Variants in DAPP1 observed in about 807,000 individuals in gnomAD.
DAPP1 encodes the protein dual adapter for phosphotyrosine and 3-phosphotyrosine and 3-phosphoinositide.
A neutral mutation model predicts 41.5 loss-of-function variants in DAPP1; 20 were observed. The observed-to-expected ratio is 0.48, with a 90% CI of 0.34 to 0.70. DAPP1 has a LOEUF of 0.70. Among genes scored for constraint, DAPP1 ranks in the 30% least tolerant of loss-of-function variants. The probability of loss-of-function intolerance (pLI) is 0.01; values close to 1 mark genes in which losing one functional copy is unlikely to be tolerated. For missense variants in DAPP1, 233 were observed against 333.4 expected (o/e 0.70, Z 2.35); for synonymous variants, 113 against 116.2 (o/e 0.97, Z 0.18).
At chr4:99,839,380 TAG>T (rs1723418231) in intron 2 of DAPP1, among the ~76,000 whole-genome samples, 1 of 148,222 alleles carries the variant, frequency 6.7e-6, no homozygotes, top group African/African-American at 2.5e-5. Flanking sequence ...TAGATATCTA[TAG>T]ATATATATAG....
intron 3 of DAPP1, among the ~76,000 whole-genome samples, chr4:99,842,664 A>G (rs60584294): frequency 0.053 from 8,112 of 152,280 alleles, 419 homozygotes; most frequent in East Asian, 0.24. Flanking sequence ...GAAATTCCTC[A>G]AGGTTACGGA....
chr4:99,853,886 C>A (rs532632928), intron 4 of DAPP1, among the ~76,000 whole-genome samples: 2 of 152,288 alleles, frequency 1.3e-5, no homozygotes, highest in Admixed American at 1.3e-4. Flanking sequence ...GAACTTAAAT[C>A]TCTGTCCTTA....
intron 1 of DAPP1, 55 bp from the exon 2 acceptor site, chr4:99,835,568 G>T: frequency 6.3e-7 from 1 of 1,597,108 alleles, no homozygotes; most frequent in Non-Finnish European, 8.5e-7. Flanking sequence ...AGCCAGTGCA[G>T]GGGGAGTCAT....
rs558714955 is a variant in DAPP1, at chr4:99,831,573, C to T, written c.102-4050C>T. On this transcript the variant is annotated intron_variant, in intron 1 of 8. Coordinates refer to ENST00000512369, the MANE Select transcript of DAPP1 (RefSeq NM_014395.3). ...TTTCTTACTCTTACAAACAATTCTG[C>T]AGTGAACACCCTTGTTCATATTTTC... Among the ~76,000 whole-genome samples the T allele has an allele frequency of 2.6e-5, 4 of 152,302 alleles. No homozygotes were observed. In the South Asian group the frequency reaches 6.2e-4, roughly 24 times the overall value.
chr4:99,821,988 C>T lies in DAPP1; in HGVS notation c.101+4974C>T, dbSNP rs3775499. On this transcript the variant is annotated intron_variant, in intron 1 of 8. Coordinates refer to ENST00000512369, the MANE Select transcript of DAPP1 (RefSeq NM_014395.3). ...AAATTTCAGTGGAACCTGTTTACAG[C>T]GGTGTGACACTAACTACAGCAATAC... Among the ~76,000 whole-genome samples, 870 of 152,080 alleles carry T rather than the reference C, an allele frequency of 5.7e-3. 13 individuals are homozygous for T. Among genetic ancestry groups the T allele is most frequent in the African/African-American group, 0.02 (817 of 41,510 alleles).
Position 99,868,206 on chromosome 4 carries a change from C to T in DAPP1, c.*21C>T. 1.2e-6 allele frequency: 2 copies of T among 1,607,834 alleles called. No individual in the cohort carries two copies. Among genetic ancestry groups the T allele is most frequent in the East Asian group, 4.5e-5 (2 of 44,840 alleles). On this transcript the variant is annotated 3_prime_UTR_variant, in exon 9 of 9. Transcript: ENST00000512369. ...AATAGATCTTTCTTGCCAAGGAATG[C>T]TCTGGCCCAGGAGCAAGGTGGAATG... is the stretch of plus-strand genomic sequence containing the variant.
At chr4:99,857,791 A>G (rs923043739) in intron 4 of DAPP1, among the ~76,000 whole-genome samples, 2 of 152,152 alleles carry the variant, frequency 1.3e-5, no homozygotes, top group Admixed American at 1.3e-4. Flanking sequence ...AATTAACTAT[A>G]TATTTAAAAT....
At chr4:99,819,932 A>G (rs1322296227) in intron 1 of DAPP1, among the ~76,000 whole-genome samples, 1 of 152,216 alleles carries the variant, frequency 6.6e-6, no homozygotes, top group African/African-American at 2.4e-5. Flanking sequence ...CTCAGAGTAC[A>G]GGTTTATTAT....
intron 2 of DAPP1, among the ~76,000 whole-genome samples, chr4:99,838,201 T>G (rs1269103923): frequency 6.6e-6 from 1 of 152,170 alleles, no homozygotes; most frequent in African/African-American, 2.4e-5. Context: ...ATCATAAGCT[T>G]TTTATAAATC....
chr4:99,848,283 A>G (rs113252872), intron 3 of DAPP1, among the ~76,000 whole-genome samples: 5,580 of 149,418 alleles, frequency 0.037, 93 homozygotes, highest in African/African-American at 0.054. Context: ...GCTGGAGTGC[A>G]GTGGCACGAT....
chr4:99,871,814 TACTC>T (rs144374949), downstream of DAPP1, among the ~76,000 whole-genome samples: 717 of 152,346 alleles, frequency 4.7e-3, 8 homozygotes, highest in African/African-American at 0.016. Flanking sequence ...TCTTGACTGT[TACTC>T]AGCCCCTCCT....
chr4:99,848,086 C>G (rs1370507183), intron 3 of DAPP1, among the ~76,000 whole-genome samples: 1 of 152,024 alleles, frequency 6.6e-6, no homozygotes, highest in Non-Finnish European at 1.5e-5. Flanking sequence ...GCTGGGATTA[C>G]AGGCATGAGC....
chr4:99,865,962 TATATTATA>T lies in DAPP1; in HGVS notation c.687-71_687-64del, dbSNP rs1560711254. ...ATATTATATTATATATTATATTATA[TATATTATA>T]TATATATATATATATATAGCTAATG... is the stretch of plus-strand genomic sequence containing the variant. On this transcript the variant is annotated intron_variant, in intron 7 of 8. Coordinates refer to ENST00000512369, the MANE Select transcript of DAPP1 (RefSeq NM_014395.3). The T allele has an allele frequency of 5.0e-3, 414 of 82,362 alleles. 12 individuals are homozygous for T. The highest frequency in any genetic ancestry group is 0.024 in the African/African-American group (391 of 16,030). 5.1% of individuals were successfully genotyped at this position (82,362 alleles called of 1,614,324 possible).
chr4:99,852,749 G>A (rs1723907886), intron 3 of DAPP1, among the ~76,000 whole-genome samples: 1 of 152,186 alleles, frequency 6.6e-6, no homozygotes, highest in Non-Finnish European at 1.5e-5. Flanking sequence ...GCAATGGAAT[G>A]GATCTTCCTC....
In DAPP1 at chr4:99,869,221, A is replaced by G. The variant is rs1019439427; in HGVS notation, c.*1036A>G. The G allele has an allele frequency of 1.3e-5, 2 of 152,248 alleles. No homozygotes were observed. Among genetic ancestry groups the G allele is most frequent in the Admixed American group, 6.5e-5 (1 of 15,286 alleles). 9.4% of individuals were successfully genotyped at this position (152,248 alleles called of 1,614,324 possible). A position where few individuals can be genotyped will look rare whatever the true frequency, so the allele number is the denominator to read the frequency against. On this transcript the variant is annotated 3_prime_UTR_variant, in exon 9 of 9. Coordinates refer to ENST00000512369, the MANE Select transcript of DAPP1 (RefSeq NM_014395.3). ...TTTCCAGTCGGGGGAGTAACACTAAAGCTACAAGAAATATGTAATAATGAT... is the reference window on the plus strand; with the variant it reads ...TTTCCAGTCGGGGGAGTAACACTAAGGCTACAAGAAATATGTAATAATGAT...
At position 99,861,630 on chromosome 4, in the gene DAPP1, GGAA is replaced by G. The variant is rs1724239955; in HGVS notation, c.537+7_537+9del. On this transcript the variant is annotated splice_donor_region_variant and intron_variant, in intron 5 of 8. Coordinates refer to ENST00000512369, the MANE Select transcript of DAPP1 (RefSeq NM_014395.3). The stretch of plus-strand genomic sequence containing the variant: ...AAACAGGGAGGCCTGGTCAAGGTAA[GGAA>G]GTGTGGTTTTGCTCATGCCAGCCAC... 1 of 1,570,788 alleles carries G rather than the reference GGAA, an allele frequency of 6.4e-7. No individual in the cohort carries two copies. Among genetic ancestry groups the G allele is most frequent in the Middle Eastern group, 1.7e-4 (1 of 6,016 alleles).
Position 99,863,012 on chromosome 4 carries a change from C to A in DAPP1, c.540C>A (p.Thr180=). 6.3e-7 allele frequency: 1 copy of A among 1,588,650 alleles called. No homozygotes were observed. The highest frequency in any genetic ancestry group is 8.5e-7 in the Non-Finnish European group (1 of 1,171,452). ...GTGTGTGTGTGTGTTTTTCTCAGAC[C>A]TGGAAAACAAGATGGTTTACTCTGC... ...YLTKQGGLVK[T]WKTRWFTLHR... is the part of the protein sequence containing the mutation. The change falls in exon 6 of 9, where the codon ACC becomes ACA. Residue 180 remains threonine, a splice_region_variant and synonymous_variant. Coordinates refer to ENST00000512369, the MANE Select transcript of DAPP1 (RefSeq NM_014395.3).
intron 3 of DAPP1, among the ~76,000 whole-genome samples, chr4:99,851,054 G>A (rs1578182915): frequency 6.6e-6 from 1 of 152,182 alleles, no homozygotes; most frequent in Non-Finnish European, 1.5e-5. Flanking sequence ...CACTGGGAGT[G>A]TTTCTTAGGG....
intron 1 of DAPP1, among the ~76,000 whole-genome samples, chr4:99,825,241 C>T (rs924315385): frequency 6.6e-6 from 1 of 152,126 alleles, no homozygotes; most frequent in Non-Finnish European, 1.5e-5. Context: ...GTCTGCAGCT[C>T]TTTGACTTTT....
Sources: gnomAD v4.1 joint callset for allele counts (sites outside exome capture counted in the v4.1 genomes callset) on GRCh38, gnomAD v4.1.1 for gene constraint, MANE v1.5 for transcripts, NCBI Gene and HGNC (gene_info 2026-07-23, HGNC 2026-07-21) for gene names.